Variants in CTNNA3 observed in about 807,000 individuals in gnomAD.
CTNNA3 encodes catenin alpha-3.
A neutral mutation model predicts 95.7 loss-of-function variants in CTNNA3; 76 were observed. The ratio of observed to expected loss-of-function variants is 0.79; its 90% CI spans 0.66 to 0.96. The LOEUF (loss-of-function observed/expected upper bound fraction) is 0.96. Among genes scored for constraint, CTNNA3 ranks in the 40% least tolerant of loss-of-function variants. The pLI is 0.00. For missense variants in CTNNA3, 1,191 were observed against 1,089.8 expected (o/e 1.09, Z -1.31); for synonymous variants, 431 against 374.4 (o/e 1.15, Z -1.74).
intron 7 of CTNNA3, among the ~76,000 whole-genome samples, chr10:66,980,641 C>T (rs192067049): frequency 6.3e-4 from 96 of 152,298 alleles, no homozygotes; most frequent in Non-Finnish European, 1.2e-3. Flanking sequence ...TTCTTGCAAG[C>T]CCGCAATTCT....
Position 65,928,288 on chromosome 10 carries a change from A to C in CTNNA3, c.2401-7671T>G, listed in dbSNP as rs189521986. On this transcript the variant is annotated intron_variant, in intron 17 of 17. Coordinates refer to ENST00000433211, the MANE Select transcript of CTNNA3 (RefSeq NM_013266.4). The stretch of plus-strand genomic sequence containing the variant: ...AATAATCTTGGAATTGCTGTCAAAA[A>C]TAAATTGATCATTTATGTTTGGCTC... Among the ~76,000 whole-genome samples, 672 of 152,306 alleles carry C rather than the reference A, an allele frequency of 4.4e-3. 4 individuals are homozygous for C. The highest frequency in any genetic ancestry group is 7.1e-3 in the Non-Finnish European group (482 of 68,016).
chr10:66,400,445 GC>G (rs2093011616), intron 11 of CTNNA3, among the ~76,000 whole-genome samples: 1 of 152,012 alleles, frequency 6.6e-6, no homozygotes, highest in Admixed American at 6.6e-5. Context: ...GGGCCTAATG[GC>G]AAATGAAATC....
intron 3 of CTNNA3, among the ~76,000 whole-genome samples, chr10:67,596,098 T>A (rs1842925689): frequency 6.6e-6 from 1 of 152,230 alleles, no homozygotes; most frequent in African/African-American, 2.4e-5. Context: ...TCTCTATGCC[T>A]TTTAAGTGGG....
intron 15 of CTNNA3, among the ~76,000 whole-genome samples, chr10:65,996,631 C>T (rs573740536): frequency 6.6e-6 from 1 of 152,240 alleles, no homozygotes; most frequent in African/African-American, 2.4e-5. Context: ...TACACACTAT[C>T]CAGGCTGCTT....
chr10:67,627,580 T>C (rs969349614), intron 2 of CTNNA3, among the ~76,000 whole-genome samples: 6 of 152,204 alleles, frequency 3.9e-5, no homozygotes, highest in African/African-American at 1.4e-4. Context: ...TAGAGAATCA[T>C]GAAATGTTTG....
At chr10:66,885,498 C>A (rs1215703612) in intron 7 of CTNNA3, among the ~76,000 whole-genome samples, 1 of 152,024 alleles carries the variant, frequency 6.6e-6, no homozygotes, top group African/African-American at 2.4e-5. Context: ...AGGGAATGTC[C>A]AGATTCAGAA....
intron 5 of CTNNA3, among the ~76,000 whole-genome samples, chr10:67,459,745 A>C (rs2132988861): frequency 6.6e-6 from 1 of 152,294 alleles, no homozygotes; most frequent in South Asian, 2.1e-4. Context: ...ATGCCTTAAA[A>C]TTATCTTTTA....
chr10:67,398,617 T>G (rs1844803682), intron 5 of CTNNA3, among the ~76,000 whole-genome samples: 1 of 152,104 alleles, frequency 6.6e-6, no homozygotes, highest in Non-Finnish European at 1.5e-5. Flanking sequence ...TGACACAAGA[T>G]TTGGGAGGAG....
chr10:66,092,051 T>C (rs1416926309), intron 14 of CTNNA3, among the ~76,000 whole-genome samples: 2 of 151,884 alleles, frequency 1.3e-5, no homozygotes, highest in Admixed American at 6.6e-5. Flanking sequence ...TGTATCAATA[T>C]AAATAGTAAG....
chr10:66,238,689 T>C (rs1287603381), intron 13 of CTNNA3, among the ~76,000 whole-genome samples: 1 of 151,770 alleles, frequency 6.6e-6, no homozygotes, highest in East Asian at 1.9e-4. Context: ...CAAATATATA[T>C]ATATATATAA....
intron 5 of CTNNA3, among the ~76,000 whole-genome samples, chr10:67,281,183 T>C (rs184937476): frequency 1.3e-5 from 2 of 152,294 alleles, no homozygotes; most frequent in African/African-American, 2.4e-5. Flanking sequence ...TCAAAAATGA[T>C]TTAATCAAAT....
chr10:66,051,816 G>C (rs577136611), intron 15 of CTNNA3, among the ~76,000 whole-genome samples: 1 of 152,266 alleles, frequency 6.6e-6, no homozygotes, highest in Admixed American at 6.5e-5. Context: ...TCCCTTGTGG[G>C]ATATAAGAAA....
At chr10:66,342,075 A>ATTCTAATTCTAATTCAATTTT (rs1403781787) in intron 12 of CTNNA3, among the ~76,000 whole-genome samples, 2 of 152,122 alleles carry the variant, frequency 1.3e-5, no homozygotes, top group Admixed American at 1.3e-4. Flanking sequence ...AGATTTCAAT[A>ATTCTAATTCTAATTCAATTTT]TTCTAATTCT....
intron 9 of CTNNA3, among the ~76,000 whole-genome samples, chr10:66,648,618 C>T (rs1453791340): frequency 6.6e-6 from 1 of 151,970 alleles, no homozygotes; most frequent in East Asian, 1.9e-4. Context: ...AAGATTTGCA[C>T]ATTATAAGAA....
intron 5 of CTNNA3, among the ~76,000 whole-genome samples, chr10:67,249,066 C>T (rs1866010435): frequency 1.3e-5 from 2 of 151,932 alleles, no homozygotes. Context: ...AACAAAAGCA[C>T]AAACAGCAAA....
chr10:66,002,138 T>C (rs951659225), intron 15 of CTNNA3, among the ~76,000 whole-genome samples: 1 of 151,920 alleles, frequency 6.6e-6, no homozygotes, highest in African/African-American at 2.4e-5. Flanking sequence ...CTGTATTAGA[T>C]AAAAAAGAAA....
chr10:67,199,406 G>C (rs1186689256), intron 6 of CTNNA3, among the ~76,000 whole-genome samples: 1 of 151,940 alleles, frequency 6.6e-6, no homozygotes, highest in Non-Finnish European at 1.5e-5. Flanking sequence ...GTTTCGCTCT[G>C]TTGCCCAGGC....
At chr10:66,497,141 G>A (rs983043029) in intron 11 of CTNNA3, among the ~76,000 whole-genome samples, 7 of 152,156 alleles carry the variant, frequency 4.6e-5, no homozygotes, top group East Asian at 1.9e-4. Flanking sequence ...AGGGGGTTAC[G>A]ATGTCAATAT....
intron 5 of CTNNA3, among the ~76,000 whole-genome samples, chr10:67,422,473 T>A (rs1383922510): frequency 6.6e-6 from 1 of 152,168 alleles, no homozygotes; most frequent in Non-Finnish European, 1.5e-5. Flanking sequence ...TTTCTCCAAC[T>A]TTTTTGTAAT....
Sources: gnomAD v4.1 joint callset for allele counts (sites outside exome capture counted in the v4.1 genomes callset) on GRCh38, gnomAD v4.1.1 for gene constraint, MANE v1.5 for transcripts, NCBI Gene and HGNC (gene_info 2026-07-23, HGNC 2026-07-21) for gene names.